Variants in CACNA2D3 observed in about 807,000 individuals in gnomAD.
CACNA2D3 encodes the protein voltage-dependent calcium channel subunit alpha-2/delta-3.
Under a neutral mutation model 160.6 loss-of-function variants are expected in CACNA2D3, and 60 were observed. That is an observed-to-expected ratio of 0.37 (90% confidence interval 0.30 to 0.46). CACNA2D3 has a LOEUF of 0.46. Ranked by LOEUF, CACNA2D3 falls within the 20% of genes least tolerant of loss-of-function variation. The pLI is 1.00. For missense variants in CACNA2D3, 1,205 were observed against 1,365.0 expected (o/e 0.88, Z 1.85); for synonymous variants, 558 against 492.9 (o/e 1.13, Z -1.75).
Position 54,622,769 on chromosome 3 carries a change from C to T in CACNA2D3, c.964-5018C>T, listed in dbSNP as rs116671938. Among the ~76,000 whole-genome samples, 1,309 of 152,320 alleles carry T rather than the reference C, an allele frequency of 8.6e-3. 10 individuals are homozygous for T. Among genetic ancestry groups the T allele is most frequent in the Middle Eastern group, 0.024 (7 of 294 alleles). On this transcript the variant is annotated intron_variant, in intron 9 of 37. Coordinates refer to ENST00000474759, the MANE Select transcript of CACNA2D3 (RefSeq NM_018398.3). ...GGCAGTCAGCCAGCCCCTTCCTTTG[C>T]TTCCAGACACTACCCTTGGGGTGTA...
intron 13 of CACNA2D3, 112 bp downstream of exon 13, chr3:54,764,463 T>G: frequency 7.6e-7 from 1 of 1,317,462 alleles, no homozygotes; most frequent in East Asian, 2.4e-5. Context: ...TCAGTGACAC[T>G]TTTCTTGATT....
chr3:55,026,133 C>A (rs901477541), intron 35 of CACNA2D3, among the ~76,000 whole-genome samples: 4 of 152,126 alleles, frequency 2.6e-5, no homozygotes, highest in Non-Finnish European at 5.9e-5. Flanking sequence ...CTAAGTGTAA[C>A]CTCACTGACC....
chr3:54,623,351 C>T (rs781278088), intron 9 of CACNA2D3, among the ~76,000 whole-genome samples: 1 of 152,210 alleles, frequency 6.6e-6, no homozygotes, highest in Non-Finnish European at 1.5e-5. Flanking sequence ...CTTCCTCCCA[C>T]GTGCCAGCAG....
chr3:54,611,659 T>G (rs565383168), intron 9 of CACNA2D3, among the ~76,000 whole-genome samples: 12 of 152,334 alleles, frequency 7.9e-5, no homozygotes, highest in Non-Finnish European at 1.5e-5. Flanking sequence ...TCCAGTCTCT[T>G]TGCTGACTTG....
chr3:54,967,451 A>C (rs1035309837), intron 27 of CACNA2D3, among the ~76,000 whole-genome samples: 7 of 152,158 alleles, frequency 4.6e-5, no homozygotes, highest in African/African-American at 1.7e-4. Context: ...GAATTACTGT[A>C]GGTCTTTAAG....
chr3:54,262,027 G>A (rs1702409985), intron 2 of CACNA2D3, among the ~76,000 whole-genome samples: 1 of 152,088 alleles, frequency 6.6e-6, no homozygotes, highest in Admixed American at 6.5e-5. Flanking sequence ...TGGGGATAGG[G>A]GTTTTGGGGG....
chr3:54,740,656 T>G (rs1701631570), intron 11 of CACNA2D3, among the ~76,000 whole-genome samples: 1 of 152,186 alleles, frequency 6.6e-6, no homozygotes, highest in East Asian at 1.9e-4. Flanking sequence ...AACACTGTCC[T>G]CAGCAATATC....
intron 3 of CACNA2D3, among the ~76,000 whole-genome samples, chr3:54,378,867 C>G (rs1699053740): frequency 6.6e-6 from 1 of 152,218 alleles, no homozygotes; most frequent in South Asian, 2.1e-4. Flanking sequence ...TTGGCAAATG[C>G]AGGCTTAGAT....
At position 54,891,371 on chromosome 3, in the gene CACNA2D3, G is replaced by A. The variant is rs755774950; in HGVS notation, c.2167G>A (p.Val723Met). 4.1e-5 allele frequency: 66 copies of A among 1,613,670 alleles called. No homozygotes were observed. The highest frequency in any genetic ancestry group is 5.6e-5 in the Non-Finnish European group (66 of 1,179,776). ...CTGTTTCAGAAATTCTGACAAGGGC[G>A]TGGAGGTTGCCTTCCTCGGCACTCG... is the stretch of plus-strand genomic sequence containing the variant. ...LNKSENSDKG[V>M]EVAFLGTRTG... Residue 723 changes from valine to methionine, a missense_variant, in exon 25 of 38, where the codon GTG becomes ATG. Around this residue, in one of 3 missense-constraint regions of CACNA2D3, gnomAD observed 911 missense variants for 1,002.2 expected, o/e 0.91. Transcript: ENST00000474759.
chr3:54,880,874 G>C lies in CACNA2D3; in HGVS notation c.1912+11G>C, dbSNP rs1172074365. 1 of 1,611,992 alleles carries C rather than the reference G, an allele frequency of 6.2e-7. No homozygotes were observed. Among genetic ancestry groups the C allele is most frequent in the Non-Finnish European group, 8.5e-7 (1 of 1,178,132 alleles). On this transcript the variant is annotated intron_variant, in intron 21 of 37. Coordinates refer to ENST00000474759, the MANE Select transcript of CACNA2D3 (RefSeq NM_018398.3). ...TAACCATCGAAGAAGGTAAGATACT[G>C]CCTGGCTCGTCTTATCCTTTGGTGT...
At chr3:55,016,010 TG>T (rs1241030129) in intron 34 of CACNA2D3, among the ~76,000 whole-genome samples, 2 of 152,196 alleles carry the variant, frequency 1.3e-5, no homozygotes, top group Admixed American at 1.3e-4. Flanking sequence ...TCACATTTTT[TG>T]GTCCATTTTA....
At chr3:54,774,237 C>T (rs1208172478) in intron 13 of CACNA2D3, among the ~76,000 whole-genome samples, 4 of 152,136 alleles carry the variant, frequency 2.6e-5, no homozygotes, top group East Asian at 3.9e-4. Context: ...AAGAACTACC[C>T]GAGACTGAGA....
chr3:54,646,184 C>CTCCCTCCTTGCT (rs1699642449), intron 11 of CACNA2D3, among the ~76,000 whole-genome samples: 23 of 14,902 alleles, frequency 1.5e-3, no homozygotes, highest in Non-Finnish European at 2.8e-3. Context: ...CCCTCCCTCC[C>CTCCCTCCTTGCT]TCCTTCCTTG....
rs1553785965 is a variant in CACNA2D3, at chr3:54,689,010, A to AAAAAAAAAAAAGAG, written c.1167+46770_1167+46771insAAAAAAAAAAGAGA. On this transcript the variant is annotated intron_variant, in intron 11 of 37. Transcript: ENST00000474759. Reference sequence around the variant, plus strand: ...AAAAAAAAAAAAAAAAAAAAAAAAAAAGAATGAGGTTGTATACATAAAGCA... The same window carrying AAAAAAAAAAAAGAG: ...AAAAAAAAAAAAAAAAAAAAAAAAAAAAAAAAAAAAAGAGAGAATGAGGTTGTATACATAAAGCA... 3.9e-4 allele frequency among the ~76,000 whole-genome samples: 33 copies of AAAAAAAAAAAAGAG among 85,494 alleles called. 5 individuals carry two copies. Among genetic ancestry groups the AAAAAAAAAAAAGAG allele is most frequent in the African/African-American group, 7.0e-4 (16 of 23,014 alleles). 56.1% of individuals were successfully genotyped at this position (85,494 alleles called of 152,430 possible).
chr3:54,444,354 C>G (rs1700188378), intron 4 of CACNA2D3, among the ~76,000 whole-genome samples: 1 of 152,156 alleles, frequency 6.6e-6, no homozygotes, highest in African/African-American at 2.4e-5. Context: ...TTTCTCAAGT[C>G]TTGGTTCTCC....
chr3:54,135,542 A>G (rs1264252446), intron 2 of CACNA2D3, among the ~76,000 whole-genome samples: 1 of 152,246 alleles, frequency 6.6e-6, no homozygotes, highest in East Asian at 1.9e-4. Context: ...CAGTTTTGCC[A>G]AAAGACATTT....
At chr3:54,515,174 CTGTGTGTGTGTG>C (rs34453702) in intron 5 of CACNA2D3, among the ~76,000 whole-genome samples, 1 of 134,328 alleles carries the variant, frequency 7.4e-6, no homozygotes, top group Non-Finnish European at 1.6e-5. Flanking sequence ...GTGTGTGTGT[CTGTGTGTGTGTG>C]TGTGTGTGTG....
chr3:54,887,223 T>G (rs1232598044), intron 23 of CACNA2D3, among the ~76,000 whole-genome samples: 1 of 152,012 alleles, frequency 6.6e-6, no homozygotes, highest in South Asian at 2.1e-4. Flanking sequence ...GTCAGGAGTT[T>G]GAGACTAACC....
chr3:54,838,467 G>A, intron 15 of CACNA2D3, 101 bp from the exon 16 acceptor site: 1 of 896,332 alleles, frequency 1.1e-6, no homozygotes, highest in South Asian at 1.4e-5. Context: ...GTATCAGTTT[G>A]GGGAAGGCAC....
Sources: gnomAD v4.1 joint callset for allele counts (sites outside exome capture counted in the v4.1 genomes callset) on GRCh38, gnomAD v4.1.1 for gene constraint, gnomAD v4.1.1 regional missense constraint, MANE v1.5 for transcripts, NCBI Gene and HGNC (gene_info 2026-07-23, HGNC 2026-07-21) for gene names.